The following KLF7 variants were observed in gnomAD, a reference collection of about 807,000 sequenced individuals.
The protein encoded by KLF7 is Krueppel-like factor 7.
Under a neutral mutation model 27.3 loss-of-function variants are expected in KLF7, and 2 were observed. The ratio of observed to expected loss-of-function variants is 0.07; its 90% CI spans 0.03 to 0.23. KLF7 has a LOEUF of 0.23. Ranked by LOEUF, KLF7 falls within the 10% of genes least tolerant of loss-of-function variation. The pLI, the probability that KLF7 is intolerant of heterozygous loss-of-function variation, is 1.00. For missense variants in KLF7, 221 were observed against 394.1 expected (o/e 0.56, Z 3.72); for synonymous variants, 165 against 162.4 (o/e 1.02, Z -0.12).
At chr2:207,104,509 AG>A (rs2076837081) in intron 2 of KLF7, among the ~76,000 whole-genome samples, 1 of 152,252 alleles carries the variant, frequency 6.6e-6, no homozygotes, top group Non-Finnish European at 1.5e-5. Flanking sequence ...GCTGTTGGCT[AG>A]TATTTACTGG....
chr2:207,166,791 T>A, upstream of KLF7: 1 of 997,146 alleles, frequency 1.0e-6, no homozygotes, highest in Non-Finnish European at 1.2e-6. Flanking sequence ...CAGGGCCCCT[T>A]CCCGAACTCC....
upstream of KLF7, among the ~76,000 whole-genome samples, chr2:207,171,776 G>A (rs538974612): frequency 6.6e-6 from 1 of 152,054 alleles, no homozygotes; most frequent in African/African-American, 2.4e-5. Flanking sequence ...TAGAGTATAG[G>A]GTAAATATAA....
intron 1 of KLF7, among the ~76,000 whole-genome samples, chr2:207,145,199 T>C (rs2078065234): frequency 6.6e-6 from 1 of 152,218 alleles, no homozygotes; most frequent in African/African-American, 2.4e-5. Context: ...ATTAAGACCT[T>C]ACTGGCAGGC....
chr2:207,106,538 CA>C (rs2076887810), intron 2 of KLF7, among the ~76,000 whole-genome samples: 1 of 152,186 alleles, frequency 6.6e-6, no homozygotes, highest in South Asian at 2.1e-4. Flanking sequence ...ATTCAGCATT[CA>C]TCGTCTGGTA....
At position 207,077,029 on chromosome 2, in the gene KLF7, C is replaced by A. The variant is rs1382195840; in HGVS notation, c.*4184G>T. 1 of 152,204 alleles carries A rather than the reference C, an allele frequency of 6.6e-6. No individual in the cohort carries two copies. Among genetic ancestry groups the A allele is most frequent in the African/African-American group, 2.4e-5 (1 of 41,454 alleles). 9.4% of individuals were successfully genotyped at this position (152,204 alleles called of 1,614,324 possible). Reference sequence around the variant, plus strand: ...GTAGTTAAATGTGTTGCATCTTTATCTTACTTTGCCTACCTTCTTCCTGCT... The same window carrying A: ...GTAGTTAAATGTGTTGCATCTTTATATTACTTTGCCTACCTTCTTCCTGCT... On this transcript the variant is annotated 3_prime_UTR_variant, in exon 4 of 4. Transcript: ENST00000309446.
intron 1 of KLF7, among the ~76,000 whole-genome samples, chr2:207,136,629 C>T (rs2077796805): frequency 1.3e-5 from 2 of 152,270 alleles, no homozygotes; most frequent in Middle Eastern, 3.4e-3. Flanking sequence ...GCATGTTTAT[C>T]GTTTATCTTT....
At chr2:207,130,262 C>T (rs1267985049) in intron 1 of KLF7, among the ~76,000 whole-genome samples, 1 of 152,178 alleles carries the variant, frequency 6.6e-6, no homozygotes, top group Non-Finnish European at 1.5e-5. Flanking sequence ...AGTCTATCCC[C>T]TTCAGGGAGC....
intron 2 of KLF7, among the ~76,000 whole-genome samples, chr2:207,120,260 CA>C (rs1559137637): frequency 6.6e-6 from 1 of 152,072 alleles, no homozygotes; most frequent in Non-Finnish European, 1.5e-5. Context: ...AAAACAGCCA[CA>C]GAAGGAAAAA....
At chr2:207,120,549 T>G (rs1488839302) in intron 2 of KLF7, among the ~76,000 whole-genome samples, 1 of 152,192 alleles carries the variant, frequency 6.6e-6, no homozygotes, top group Non-Finnish European at 1.5e-5. Flanking sequence ...TATTCTTATC[T>G]CCCTTTTTTT....
intron 2 of KLF7, among the ~76,000 whole-genome samples, chr2:207,123,328 A>T (rs73064720): frequency 0.01 from 1,589 of 152,292 alleles, 25 homozygotes; most frequent in African/African-American, 0.036. Context: ...TTTGATGAAA[A>T]ATCAGGATGC....
At chr2:207,167,590 TTTA>T (rs1219476367), upstream of KLF7, among the ~76,000 whole-genome samples, 1 of 152,260 alleles carries the variant, frequency 6.6e-6, no homozygotes, top group East Asian at 1.9e-4. Context: ...GAAAGCCTGA[TTTA>T]TTTACTTGTT....
chr2:207,155,981 T>C (rs1005204116), intron 1 of KLF7, among the ~76,000 whole-genome samples: 4 of 152,204 alleles, frequency 2.6e-5, no homozygotes, highest in African/African-American at 9.7e-5. Flanking sequence ...AAGGTGAATG[T>C]GAGAACGGCG....
chr2:207,146,911 C>T (rs1270595678), intron 1 of KLF7, among the ~76,000 whole-genome samples: 1 of 152,162 alleles, frequency 6.6e-6, no homozygotes, highest in African/African-American at 2.4e-5. Flanking sequence ...TTCCTGGCAA[C>T]CTGCTATTCT....
chr2:207,107,059 G>A (rs1220357670), intron 2 of KLF7, among the ~76,000 whole-genome samples: 2 of 152,108 alleles, frequency 1.3e-5, no homozygotes, highest in Non-Finnish European at 2.9e-5. Flanking sequence ...CGAAATGGCT[G>A]TTATCATTCA....
rs756201056 is a variant in KLF7, at chr2:207,139,853, CAGAT to C, written c.103-15453_103-15450del. On this transcript the variant is annotated intron_variant, in intron 1 of 3. Transcript: ENST00000309446. Reference sequence around the variant, plus strand: ...TCAAGTGTAGTCATTGAGAGGAAAACAGATAGAATTAGAATCATTTTTTAAGATC... The same window carrying C: ...TCAAGTGTAGTCATTGAGAGGAAAACAGAATTAGAATCATTTTTTAAGATC... Among the ~76,000 whole-genome samples the C allele has an allele frequency of 9.2e-5, 14 of 152,140 alleles. No individual in the cohort carries two copies. The East Asian group carries it at 2.7e-3, about 29-fold the overall frequency.
In KLF7 at chr2:207,079,494, T is replaced by C. The variant is rs1489082646; in HGVS notation, c.*1719A>G. 6.6e-6 allele frequency: 1 copy of C among 152,214 alleles called. No homozygotes were observed. Among genetic ancestry groups the C allele is most frequent in the Non-Finnish European group, 1.5e-5 (1 of 68,052 alleles). The allele number at this position is 152,214 out of a possible 1,614,324, so 9.4% of individuals were successfully genotyped here. On this transcript the variant is annotated 3_prime_UTR_variant, in exon 4 of 4. Coordinates refer to ENST00000309446, the MANE Select transcript of KLF7 (RefSeq NM_003709.4). ...GTGTCTTGAAGGGATGGTCCCAGAA[T>C]ATACAAAATATACAATCTGTCCTAA...
intron 2 of KLF7, among the ~76,000 whole-genome samples, chr2:207,088,900 TC>T (rs1362870921): frequency 6.6e-6 from 1 of 152,180 alleles, no homozygotes; most frequent in East Asian, 1.9e-4. Context: ...TATTTTCGAT[TC>T]CCCGGAGCAC....
At chr2:207,140,747 A>G (rs1331875685) in intron 1 of KLF7, among the ~76,000 whole-genome samples, 2 of 152,334 alleles carry the variant, frequency 1.3e-5, no homozygotes, top group Admixed American at 6.5e-5. Flanking sequence ...TGTTAGTAAC[A>G]GACTAAAAAG....
At chr2:207,159,833 T>C (rs2078490806) in intron 1 of KLF7, among the ~76,000 whole-genome samples, 1 of 152,058 alleles carries the variant, frequency 6.6e-6, no homozygotes, top group Admixed American at 6.6e-5. Context: ...GGGATGGACA[T>C]GAGTCGTTTA....
Sources: gnomAD v4.1 joint callset for allele counts (sites outside exome capture counted in the v4.1 genomes callset) on GRCh38, gnomAD v4.1.1 for gene constraint, MANE v1.5 for transcripts, NCBI Gene and HGNC (gene_info 2026-07-23, HGNC 2026-07-21) for gene names.